The following ANKRD6 variants were observed in gnomAD, a reference collection of about 807,000 sequenced individuals.
ANKRD6 encodes the protein ankyrin repeat domain-containing protein 6.
ANKRD6 carries 56 observed loss-of-function variants against 82.3 expected under a neutral mutation model. The ratio of observed to expected loss-of-function variants is 0.68; its 90% CI spans 0.55 to 0.85. The LOEUF is 0.85. Among genes scored for constraint, ANKRD6 ranks in the 40% least tolerant of loss-of-function variants. ANKRD6 has a pLI of 0.00. For missense variants in ANKRD6, 852 were observed against 907.6 expected, an observed-to-expected ratio of 0.94 and a Z score of 0.79; for synonymous variants, 347 against 352.1, an observed-to-expected ratio of 0.99 and a Z score of 0.16.
intron 1 of ANKRD6, among the ~76,000 whole-genome samples, chr6:89,447,938 C>T (rs1216706572): frequency 1.3e-5 from 2 of 150,388 alleles, no homozygotes; most frequent in Non-Finnish European, 2.9e-5. Flanking sequence ...CCGCCTGCCT[C>T]GGCCTCCCAG....
intron 1 of ANKRD6, among the ~76,000 whole-genome samples, chr6:89,450,065 G>A (rs1437227750): frequency 6.6e-6 from 1 of 152,126 alleles, no homozygotes; most frequent in Admixed American, 6.6e-5. Flanking sequence ...GGCTGGGCAC[G>A]GTGGCTCATG....
intron 1 of ANKRD6, among the ~76,000 whole-genome samples, chr6:89,473,831 T>A (rs1775746705): frequency 6.6e-6 from 1 of 151,234 alleles, no homozygotes. Context: ...AAAAAAAAAA[T>A]TAGCAGGATG....
chr6:89,624,383 T>A, intron 12 of ANKRD6, 156 bp from the exon 13 acceptor site: 1 of 964,548 alleles, frequency 1.0e-6, no homozygotes, highest in Non-Finnish European at 1.5e-6. Context: ...CACCCAAAAT[T>A]TGGCCTATAA....
chr6:89,474,647 G>A (rs968365854), intron 1 of ANKRD6, among the ~76,000 whole-genome samples: 3 of 152,154 alleles, frequency 2.0e-5, no homozygotes, highest in African/African-American at 7.2e-5. Flanking sequence ...TCGATCTCCT[G>A]ACCTTGTGAT....
intron 1 of ANKRD6, among the ~76,000 whole-genome samples, chr6:89,551,965 A>G (rs975297678): frequency 7.2e-5 from 11 of 152,180 alleles, no homozygotes; most frequent in African/African-American, 2.7e-4. Flanking sequence ...TCTTTTTACA[A>G]AGATGTGGCA....
At chr6:89,486,679 G>T (rs1033516505) in intron 1 of ANKRD6, among the ~76,000 whole-genome samples, 2 of 151,770 alleles carry the variant, frequency 1.3e-5, no homozygotes, top group African/African-American at 4.8e-5. Flanking sequence ...TCACCATCTT[G>T]CCTAGGCTGG....
At chr6:89,477,045 C>T (rs1055378018) in intron 1 of ANKRD6, among the ~76,000 whole-genome samples, 5 of 152,112 alleles carry the variant, frequency 3.3e-5, no homozygotes, top group South Asian at 2.1e-4. Context: ...CACGGGTTCA[C>T]GCCATTCTCC....
At chr6:89,558,558 G>C (rs1183764885) in intron 1 of ANKRD6, among the ~76,000 whole-genome samples, 1 of 152,080 alleles carries the variant, frequency 6.6e-6, no homozygotes, top group African/African-American at 2.4e-5. Flanking sequence ...GTGGTTGCCG[G>C]GAGCTTTGGG....
At chr6:89,497,894 C>T (rs1778824876) in intron 1 of ANKRD6, among the ~76,000 whole-genome samples, 1 of 152,178 alleles carries the variant, frequency 6.6e-6, no homozygotes, top group Non-Finnish European at 1.5e-5. Flanking sequence ...ACCCCTAGCT[C>T]CAGGCAACCA....
intron 7 of ANKRD6, among the ~76,000 whole-genome samples, chr6:89,615,804 T>C (rs1801431241): frequency 6.6e-6 from 1 of 152,246 alleles, no homozygotes; most frequent in Non-Finnish European, 1.5e-5. Flanking sequence ...TTTATATCAT[T>C]GTGTTTGGAA....
rs771490834 is a variant in ANKRD6 at position 89,627,566 on chromosome 6, C to T, written c.1372-17C>T. 10 of 1,611,310 alleles carry T rather than the reference C, an allele frequency of 6.2e-6. No individual in the cohort carries two copies. In the African/African-American group the frequency reaches 1.2e-4, roughly 19 times the overall value. Reference sequence around the variant, plus strand: ...GAGATCATCTCAGTCTTACACTCTGCTCCACTTCACTCCTAGATGCGTGTT... The same window carrying T: ...GAGATCATCTCAGTCTTACACTCTGTTCCACTTCACTCCTAGATGCGTGTT... On this transcript the variant is annotated splice_polypyrimidine_tract_variant and intron_variant, in intron 13 of 15. Coordinates refer to ENST00000339746, the MANE Select transcript of ANKRD6 (RefSeq NM_001242809.2).
chr6:89,601,561 T>C (rs1649452142), intron 3 of ANKRD6: 1 of 152,226 alleles, frequency 6.6e-6, no homozygotes, highest in South Asian at 2.1e-4. Context: ...AATCCTTTCA[T>C]GGATTTTTAA....
chr6:89,581,279 A>G (rs1792457199), intron 2 of ANKRD6, among the ~76,000 whole-genome samples: 1 of 152,128 alleles, frequency 6.6e-6, no homozygotes, highest in Admixed American at 6.5e-5. Flanking sequence ...TGGAGGTCTT[A>G]TTGCACAGTA....
chr6:89,518,402 C>CAA (rs1217212093), intron 1 of ANKRD6, among the ~76,000 whole-genome samples: 23 of 109,322 alleles, frequency 2.1e-4, no homozygotes, highest in South Asian at 8.6e-4. Flanking sequence ...GACTCCGTCT[C>CAA]AAAAAAAAAA....
At position 89,518,459 on chromosome 6, in the gene ANKRD6, A is replaced by G. The variant is rs28715535; in HGVS notation, c.-143-48375A>G. ...AACACAGGTAAGTGATCTGAATGAAAGGAATGAACACGAGTCCATGGGAAC... is the reference window on the plus strand; with the variant it reads ...AACACAGGTAAGTGATCTGAATGAAGGGAATGAACACGAGTCCATGGGAAC... On this transcript the variant is annotated intron_variant, in intron 1 of 15. Transcript: ENST00000339746. Among the ~76,000 whole-genome samples the G allele has an allele frequency of 2.2e-4, 34 of 152,282 alleles. No homozygotes were observed. In the East Asian group the frequency reaches 6.0e-3, roughly 27 times the overall value.
intron 1 of ANKRD6, among the ~76,000 whole-genome samples, chr6:89,471,636 T>G (rs1420637944): frequency 2.0e-5 from 3 of 151,936 alleles, no homozygotes; most frequent in African/African-American, 7.3e-5. Context: ...TGTGTGGGTG[T>G]GTGTGTGTTT....
chr6:89,440,859 C>G (rs537067713), intron 1 of ANKRD6, among the ~76,000 whole-genome samples: 2 of 152,020 alleles, frequency 1.3e-5, no homozygotes, highest in African/African-American at 4.8e-5. Context: ...ATAGCCATGG[C>G]CCAAATCCAG....
In ANKRD6 at chr6:89,603,039, C is replaced by T. The variant is rs760020980; in HGVS notation, c.230C>T (p.Thr77Ile). ...TGTGTCACTTTGCAGGGGGACCAGA[C>T]CGCCTTGCACCGGGCCACAGTGGTG... ...DLDVQDDGDQ[T>I]ALHRATVVGN... Residue 77 changes from threonine (T) to isoleucine (I), a missense_variant, in exon 4 of 16, where the codon ACC (threonine) becomes ATC (isoleucine). Coordinates refer to ENST00000339746, the MANE Select transcript of ANKRD6 (RefSeq NM_001242809.2). 6.9e-6 allele frequency: 11 copies of T among 1,604,218 alleles called. No individual in the cohort carries two copies. The highest frequency in any genetic ancestry group is 9.4e-6 in the Non-Finnish European group (11 of 1,175,958).
intron 1 of ANKRD6, among the ~76,000 whole-genome samples, chr6:89,513,928 C>G (rs537910289): frequency 6.6e-5 from 10 of 152,274 alleles, no homozygotes; most frequent in Admixed American, 2.0e-4. Flanking sequence ...ATTTAATGTT[C>G]CAATTTATGA....
Sources: allele counts gnomAD v4.1 joint callset (sites outside exome capture counted in the v4.1 genomes callset), GRCh38; gene constraint gnomAD v4.1.1; transcripts MANE v1.5; gene names NCBI Gene and HGNC (gene_info 2026-07-23, HGNC 2026-07-21).